GRID2: variants seen among roughly 807,000 people sequenced by gnomAD.
GRID2 encodes glutamate receptor ionotropic, delta-2.
GRID2 carries 33 observed loss-of-function variants against 114.8 expected under a neutral mutation model. The observed-to-expected ratio is 0.29, with a 90% CI of 0.22 to 0.38. The LOEUF is 0.38. Ranked by LOEUF, GRID2 falls within the 10% of genes least tolerant of loss-of-function variation. The pLI is 1.00. For missense variants in GRID2, 1,184 were observed against 1,257.7 expected (o/e 0.94, Z 0.89); for synonymous variants, 505 against 449.9 (o/e 1.12, Z -1.55).
At chr4:92,908,481 G>A (rs1034219612) in intron 2 of GRID2, among the ~76,000 whole-genome samples, 1 of 147,858 alleles carries the variant, frequency 6.8e-6, no homozygotes, top group African/African-American at 2.5e-5. Context: ...TACTTGTCGT[G>A]AACCTGGGAG....
At chr4:92,569,877 A>G (rs1380317033) in intron 1 of GRID2, among the ~76,000 whole-genome samples, 3 of 152,040 alleles carry the variant, frequency 2.0e-5, no homozygotes, top group Non-Finnish European at 2.9e-5. Context: ...TCAAATGGGT[A>G]GATTGCAAAA....
At chr4:92,703,275 C>T (rs943771635) in intron 2 of GRID2, among the ~76,000 whole-genome samples, 15 of 151,922 alleles carry the variant, frequency 9.9e-5, no homozygotes, top group African/African-American at 3.6e-4. Flanking sequence ...TGGAGCCTGC[C>T]CCTGCAAATC....
At chr4:93,413,983 A>G (rs1459431201) in intron 9 of GRID2, among the ~76,000 whole-genome samples, 1 of 152,094 alleles carries the variant, frequency 6.6e-6, no homozygotes, top group Non-Finnish European at 1.5e-5. Flanking sequence ...TATGACACAT[A>G]CTCCAACTAA....
intron 2 of GRID2, among the ~76,000 whole-genome samples, chr4:92,913,925 T>C (rs1748583307): frequency 6.6e-6 from 1 of 152,054 alleles, no homozygotes; most frequent in Non-Finnish European, 1.5e-5. Flanking sequence ...TACTTGTAAG[T>C]ACAGAATTAT....
At chr4:93,221,769 G>C (rs532714513) in intron 6 of GRID2, among the ~76,000 whole-genome samples, 10 of 152,228 alleles carry the variant, frequency 6.6e-5, no homozygotes, top group Admixed American at 3.9e-4. Flanking sequence ...ATTAGGAGGG[G>C]TAATGAAAAG....
chr4:93,036,724 G>A (rs540402792), intron 2 of GRID2, among the ~76,000 whole-genome samples: 2 of 152,140 alleles, frequency 1.3e-5, no homozygotes, highest in Non-Finnish European at 2.9e-5. Flanking sequence ...ACATTTTTCA[G>A]TGTTCCCATA....
chr4:93,675,277 C>A (rs1724753261), intron 14 of GRID2, among the ~76,000 whole-genome samples: 1 of 151,924 alleles, frequency 6.6e-6, no homozygotes, highest in Non-Finnish European at 1.5e-5. Flanking sequence ...ACTTAAATAA[C>A]TAAAATTATA....
intron 13 of GRID2, among the ~76,000 whole-genome samples, chr4:93,520,655 A>T (rs1578179718): frequency 6.6e-6 from 1 of 152,074 alleles, no homozygotes; most frequent in African/African-American, 2.4e-5. Flanking sequence ...GGTGGGCAGG[A>T]TGGAGGCCAT....
intron 2 of GRID2, among the ~76,000 whole-genome samples, chr4:92,979,663 A>G (rs1160933536): frequency 1.3e-5 from 2 of 152,164 alleles, no homozygotes; most frequent in East Asian, 3.9e-4. Context: ...TGCAAATCCT[A>G]CAGTGATGCA....
intron 13 of GRID2, among the ~76,000 whole-genome samples, chr4:93,571,944 G>A (rs1735965947): frequency 6.6e-6 from 1 of 152,088 alleles, no homozygotes; most frequent in South Asian, 2.1e-4. Context: ...GATGGATCAG[G>A]CTTAATCGCA....
At chr4:93,452,286 C>T (rs560314288) in intron 10 of GRID2, among the ~76,000 whole-genome samples, 2 of 152,078 alleles carry the variant, frequency 1.3e-5, no homozygotes, top group South Asian at 2.1e-4. Flanking sequence ...ATATCCACTA[C>T]GTTCAACAAT....
chr4:92,712,786 G>A lies in GRID2; in HGVS notation c.244+122500G>A, dbSNP rs1489174613. ...TATTTCTGTGTTACACATTTCTTTA[G>A]GTAAATGTATACAAATAGATTATTT... is the stretch of plus-strand genomic sequence containing the variant. On this transcript the variant is annotated intron_variant, in intron 2 of 15. Transcript: ENST00000282020. 2.6e-5 allele frequency among the ~76,000 whole-genome samples: 4 copies of A among 151,854 alleles called. 1 individual carries two copies. Among genetic ancestry groups the A allele is most frequent in the South Asian group, 4.2e-4 (2 of 4,816 alleles).
intron 14 of GRID2, among the ~76,000 whole-genome samples, chr4:93,644,394 G>C (rs1379742203): frequency 6.6e-6 from 1 of 152,086 alleles, no homozygotes; most frequent in South Asian, 2.1e-4. Flanking sequence ...AATGTCCATG[G>C]CATGACAGAA....
intron 2 of GRID2, among the ~76,000 whole-genome samples, chr4:92,949,269 CTATG>C (rs903940583): frequency 1.3e-5 from 2 of 151,682 alleles, no homozygotes; most frequent in African/African-American, 4.8e-5. Context: ...TACTAAATAT[CTATG>C]TAATTATTAA....
At chr4:92,708,397 CT>C (rs1363603248) in intron 2 of GRID2, among the ~76,000 whole-genome samples, 1 of 152,082 alleles carries the variant, frequency 6.6e-6, no homozygotes, top group East Asian at 1.9e-4. Flanking sequence ...TCGTTATTTC[CT>C]GGGGGATGGT....
intron 8 of GRID2, among the ~76,000 whole-genome samples, chr4:93,351,032 A>T (rs1461856956): frequency 6.6e-6 from 1 of 151,962 alleles, no homozygotes; most frequent in African/African-American, 2.4e-5. Flanking sequence ...AAACCATCAG[A>T]TCTTATGAGA....
intron 2 of GRID2, among the ~76,000 whole-genome samples, chr4:93,050,118 G>A (rs1349783352): frequency 6.6e-6 from 1 of 152,010 alleles, no homozygotes. Flanking sequence ...AAAGCAAAGA[G>A]ACCATTACTG....
intron 8 of GRID2, among the ~76,000 whole-genome samples, chr4:93,316,324 G>GAAAGAA (rs1553907425): frequency 2.0e-5 from 1 of 49,572 alleles, no homozygotes; most frequent in Non-Finnish European, 4.0e-5. Flanking sequence ...AAGAAAGAAA[G>GAAAGAA]AAAGAAAGAA....
chr4:92,507,622 A>G (rs1311818302), intron 1 of GRID2, among the ~76,000 whole-genome samples: 1 of 151,896 alleles, frequency 6.6e-6, no homozygotes, highest in Non-Finnish European at 1.5e-5. Flanking sequence ...AAAACTCTCA[A>G]TATTGTCCTT....
Sources: gnomAD v4.1 joint callset for allele counts (sites outside exome capture counted in the v4.1 genomes callset) on GRCh38, gnomAD v4.1.1 for gene constraint, MANE v1.5 for transcripts, NCBI Gene and HGNC (gene_info 2026-07-23, HGNC 2026-07-21) for gene names.